Variants in CABCOCO1 observed in about 807,000 individuals in gnomAD.
CABCOCO1 encodes ciliary-associated calcium-binding coiled-coil protein 1.
In CABCOCO1, 28 loss-of-function variants were observed where a neutral mutation model predicts 35.7. That is an observed-to-expected ratio of 0.78 (90% CI 0.58 to 1.07). The LOEUF is 1.07. Among genes scored for constraint, CABCOCO1 ranks in the 50% least tolerant of loss-of-function variants. CABCOCO1 has a pLI of 0.00. For synonymous variants in CABCOCO1, 95 were observed against 100.1 expected (o/e 0.95, Z 0.30); for missense variants, 326 against 309.2 (o/e 1.05, Z -0.41).
chr10:61,732,144 C>G (rs754116083), intron 5 of CABCOCO1, among the ~76,000 whole-genome samples: 35 of 152,014 alleles, frequency 2.3e-4, no homozygotes, highest in Non-Finnish European at 4.7e-4. Flanking sequence ...TTCTTTAAAT[C>G]TACTTTTTGA....
At chr10:61,682,889 C>T (rs185103814) in intron 3 of CABCOCO1, among the ~76,000 whole-genome samples, 94 of 128,134 alleles carry the variant, frequency 7.3e-4, no homozygotes, top group Middle Eastern at 5.1e-3. Flanking sequence ...ACATGAATTT[C>T]TTTTTTTTTT....
At chr10:61,689,271 G>A (rs1188599941) in intron 4 of CABCOCO1, among the ~76,000 whole-genome samples, 2 of 152,158 alleles carry the variant, frequency 1.3e-5, no homozygotes, top group Admixed American at 1.3e-4. Flanking sequence ...ACCAGCGTAA[G>A]TTAGGGAGAG....
intron 1 of CABCOCO1, among the ~76,000 whole-genome samples, chr10:61,671,806 G>T (rs1839369717): frequency 6.6e-6 from 1 of 152,026 alleles, no homozygotes; most frequent in Non-Finnish European, 1.5e-5. Context: ...TCATTTACCT[G>T]CCCAGAAACT....
chr10:61,728,096 T>C (rs1363249980), intron 5 of CABCOCO1, among the ~76,000 whole-genome samples: 1 of 152,234 alleles, frequency 6.6e-6, no homozygotes, highest in Admixed American at 6.5e-5. Flanking sequence ...TTTTTGAACC[T>C]TTGTTTCAAC....
chr10:61,714,153 G>A (rs755214517), intron 5 of CABCOCO1, among the ~76,000 whole-genome samples: 1 of 152,050 alleles, frequency 6.6e-6, no homozygotes, highest in Non-Finnish European at 1.5e-5. Flanking sequence ...ACTTTTTTTG[G>A]TTGGTAGGCT....
At chr10:61,692,345 GT>G (rs1456693528) in intron 5 of CABCOCO1, among the ~76,000 whole-genome samples, 4 of 152,004 alleles carry the variant, frequency 2.6e-5, no homozygotes, top group South Asian at 2.1e-4. Context: ...GGGGTTGCTT[GT>G]TTTTTTCTTG....
chr10:61,701,830 A>G (rs892899062), intron 5 of CABCOCO1: 3 of 965,264 alleles, frequency 3.1e-6, no homozygotes, highest in African/African-American at 1.8e-5. Context: ...AAAAGAAAAG[A>G]TTCAGAGTGG....
chr10:61,722,888 A>G (rs376347584), intron 5 of CABCOCO1, among the ~76,000 whole-genome samples: 42 of 152,312 alleles, frequency 2.8e-4, no homozygotes, highest in Admixed American at 1.7e-3. Flanking sequence ...ATGGAAGAAA[A>G]ACTGAAAACA....
chr10:61,677,811 G>GTTTTTTTTTTTTTTTTT (rs35492889), intron 2 of CABCOCO1, among the ~76,000 whole-genome samples: 5 of 60,324 alleles, frequency 8.3e-5, no homozygotes, highest in South Asian at 7.9e-4. Context: ...TTTTTTGGGT[G>GTTTTTTTTTTTTTTTTT]TTTTTTTTTT....
At chr10:61,706,377 G>T (rs1227832122) in intron 5 of CABCOCO1, among the ~76,000 whole-genome samples, 2 of 152,112 alleles carry the variant, frequency 1.3e-5, no homozygotes, top group African/African-American at 4.8e-5. Context: ...ATGCAAATGA[G>T]CATAACTCTG....
At chr10:61,743,347 T>C (rs569485100) in intron 5 of CABCOCO1, among the ~76,000 whole-genome samples, 2 of 152,334 alleles carry the variant, frequency 1.3e-5, no homozygotes, top group Admixed American at 1.3e-4. Context: ...TAGACATGAC[T>C]TACTCTGTGA....
chr10:61,677,811 G>GTTT (rs35492889), intron 2 of CABCOCO1, among the ~76,000 whole-genome samples: 317 of 60,306 alleles, frequency 5.3e-3, no homozygotes, highest in East Asian at 0.017. Flanking sequence ...TTTTTTGGGT[G>GTTT]TTTTTTTTTT....
intron 4 of CABCOCO1, 52 bp from the exon 5 acceptor site, chr10:61,690,496 GT>G (rs892568421): frequency 3.7e-5 from 46 of 1,241,120 alleles, no homozygotes; most frequent in Admixed American, 7.7e-5. Flanking sequence ...TACATATTGT[GT>G]TTTTTTTCCT....
At chr10:61,706,771 T>C (rs1254673958) in intron 5 of CABCOCO1, among the ~76,000 whole-genome samples, 2 of 152,108 alleles carry the variant, frequency 1.3e-5, no homozygotes, top group Non-Finnish European at 2.9e-5. Flanking sequence ...GGAGGTTTCA[T>C]TCCCAGCTCC....
chr10:61,677,237 C>G (rs995508956), intron 2 of CABCOCO1, among the ~76,000 whole-genome samples: 2 of 152,096 alleles, frequency 1.3e-5, no homozygotes, highest in African/African-American at 4.8e-5. Flanking sequence ...AGCAGCATAT[C>G]TCACCATGGC....
intron 5 of CABCOCO1, among the ~76,000 whole-genome samples, chr10:61,692,016 G>A (rs553865079): frequency 6.6e-6 from 1 of 152,110 alleles, no homozygotes; most frequent in Admixed American, 6.5e-5. Flanking sequence ...CCTAGTAATG[G>A]GATTGCTGGG....
chr10:61,675,316 C>T lies in CABCOCO1; in HGVS notation c.164+2581C>T, dbSNP rs188905783. On this transcript the variant is annotated intron_variant, in intron 2 of 7. Transcript: ENST00000648843. ...GCATTCAAACCATAGCAATATCTTC[C>T]TTCAGATGCCTCCCTACATAATCTC... 2.6e-3 allele frequency among the ~76,000 whole-genome samples: 399 copies of T among 152,246 alleles called. 2 individuals are homozygous for T. The highest frequency in any genetic ancestry group is 7.4e-3 in the Admixed American group (113 of 15,294).
intron 5 of CABCOCO1, among the ~76,000 whole-genome samples, chr10:61,691,665 C>T (rs182866241): frequency 2.3e-4 from 35 of 152,066 alleles, no homozygotes; most frequent in Non-Finnish European, 4.9e-4. Flanking sequence ...CCCAACAGGC[C>T]CCAGTGTGTG....
At chr10:61,667,219 A>G (rs1839214907) in intron 1 of CABCOCO1, among the ~76,000 whole-genome samples, 1 of 147,338 alleles carries the variant, frequency 6.8e-6, no homozygotes, top group African/African-American at 2.5e-5. Context: ...TATGTTTATT[A>G]TATACATTTT....
Sources: gnomAD v4.1 joint callset for allele counts (sites outside exome capture counted in the v4.1 genomes callset) on GRCh38, gnomAD v4.1.1 for gene constraint, MANE v1.5 for transcripts, NCBI Gene and HGNC (gene_info 2026-07-23, HGNC 2026-07-21) for gene names.